The following KCNT2 variants were observed in gnomAD, a reference collection of about 807,000 sequenced individuals.
KCNT2 encodes potassium sodium-activated channel subfamily T member 2.
In KCNT2, 67 loss-of-function variants were observed where a neutral mutation model predicts 153.8. That is an observed-to-expected ratio of 0.44 (90% CI 0.36 to 0.53). The LOEUF (loss-of-function observed/expected upper bound fraction) is 0.53, where lower values mean the gene tolerates loss of function less well. KCNT2 is among the 20% of genes least tolerant of loss of function. KCNT2 has a pLI of 0.00. For synonymous variants in KCNT2, 500 were observed against 458.8 expected, an observed-to-expected ratio of 1.09 and a Z score of -1.15; for missense variants, 975 against 1,354.8, an observed-to-expected ratio of 0.72 and a Z score of 4.40.
At chr1:196,595,351 G>A (rs574089622) in intron 1 of KCNT2, among the ~76,000 whole-genome samples, 3 of 152,008 alleles carry the variant, frequency 2.0e-5, no homozygotes, top group Non-Finnish European at 4.4e-5. Context: ...AAAAAGCTGT[G>A]CACTAGCTTG....
At chr1:196,328,115 A>C (rs1371063482) in intron 18 of KCNT2, among the ~76,000 whole-genome samples, 1 of 152,164 alleles carries the variant, frequency 6.6e-6, no homozygotes, top group Non-Finnish European at 1.5e-5. Flanking sequence ...TTTAAATAAA[A>C]GAAAGAAAGT....
chr1:196,282,993 C>T (rs1030358021), intron 23 of KCNT2, among the ~76,000 whole-genome samples: 33 of 152,122 alleles, frequency 2.2e-4, no homozygotes, highest in East Asian at 3.9e-4. Flanking sequence ...GACAGGCATG[C>T]GCCATGGCGC....
At chr1:196,238,244 C>A (rs934313937) in intron 26 of KCNT2, among the ~76,000 whole-genome samples, 27 of 151,914 alleles carry the variant, frequency 1.8e-4, no homozygotes, top group African/African-American at 6.3e-4. Context: ...CTATCGGTGA[C>A]CTGGCTTGCC....
intron 1 of KCNT2, among the ~76,000 whole-genome samples, chr1:196,548,317 A>T (rs1041249142): frequency 1.3e-5 from 2 of 152,006 alleles, no homozygotes; most frequent in African/African-American, 4.8e-5. Flanking sequence ...ACAAGAAAAA[A>T]ACAAACAACC....
At chr1:196,529,410 G>C (rs1000096489) in intron 1 of KCNT2, among the ~76,000 whole-genome samples, 1 of 152,188 alleles carries the variant, frequency 6.6e-6, no homozygotes, top group African/African-American at 2.4e-5. Context: ...TCTTGAATCA[G>C]ATATTGACGG....
At chr1:196,305,433 C>G (rs1246739343) in intron 21 of KCNT2, 88 bp from the exon 22 acceptor site, 11 of 713,074 alleles carry the variant, frequency 1.5e-5, no homozygotes, top group Non-Finnish European at 2.5e-5. Flanking sequence ...TGATTCCTAG[C>G]CTTGGGCATA....
At chr1:196,312,217 T>C (rs1662251410) in intron 21 of KCNT2, among the ~76,000 whole-genome samples, 1 of 151,580 alleles carries the variant, frequency 6.6e-6, no homozygotes. Context: ...GTCTTTGATA[T>C]GCAGAAATAC....
intron 14 of KCNT2, among the ~76,000 whole-genome samples, chr1:196,364,830 GT>G (rs1383280601): frequency 3.3e-5 from 5 of 152,138 alleles, no homozygotes; most frequent in East Asian, 3.9e-4. Context: ...GTTTGAACTT[GT>G]TTGTGAAAAT....
intron 1 of KCNT2, among the ~76,000 whole-genome samples, chr1:196,584,191 A>AAAATAAAATAAAATAAAATAAAATC (rs1441056712): frequency 6.6e-6 from 1 of 151,600 alleles, no homozygotes; most frequent in African/African-American, 2.4e-5. Context: ...AAAATAAAAT[A>AAAATAAAATAAAATAAAATAAAATC]AAAAGAATAG....
At chr1:196,528,141 A>G (rs1438752832) in intron 1 of KCNT2, among the ~76,000 whole-genome samples, 6 of 152,176 alleles carry the variant, frequency 3.9e-5, no homozygotes, top group Non-Finnish European at 7.4e-5. Context: ...TTCATTTTCC[A>G]TTTTCTAATT....
intron 22 of KCNT2, among the ~76,000 whole-genome samples, chr1:196,288,371 T>A (rs969630666): frequency 6.6e-6 from 1 of 152,032 alleles, no homozygotes; most frequent in African/African-American, 2.4e-5. Context: ...TAACAGGACA[T>A]ATGGTTACCC....
chr1:196,229,137 T>C (rs1228646753), intron 27 of KCNT2, among the ~76,000 whole-genome samples: 2 of 152,084 alleles, frequency 1.3e-5, no homozygotes, highest in East Asian at 1.9e-4. Flanking sequence ...TTTGACTTGA[T>C]TGCACTTTGC....
intron 8 of KCNT2, among the ~76,000 whole-genome samples, chr1:196,451,856 G>C (rs1676238406): frequency 6.6e-6 from 1 of 151,600 alleles, no homozygotes; most frequent in South Asian, 2.1e-4. Flanking sequence ...AAAGAGATAT[G>C]GTCCTTTCTG....
intron 3 of KCNT2, among the ~76,000 whole-genome samples, chr1:196,486,775 A>G (rs776245087): frequency 2.0e-5 from 3 of 151,928 alleles, no homozygotes; most frequent in East Asian, 3.8e-4. Context: ...AGGAGGGTAA[A>G]TTATACAACC....
At chr1:196,453,312 C>T (rs1676381507) in intron 8 of KCNT2, among the ~76,000 whole-genome samples, 3 of 151,614 alleles carry the variant, frequency 2.0e-5, no homozygotes, top group Non-Finnish European at 4.4e-5. Context: ...CTCAGGTGGT[C>T]GCAGCAACAT....
chr1:196,414,038 A>C (rs1672552763), intron 12 of KCNT2, among the ~76,000 whole-genome samples: 2 of 151,760 alleles, frequency 1.3e-5, no homozygotes, highest in South Asian at 4.1e-4. Context: ...AATAGTGTGC[A>C]ATCAATGTTT....
intron 8 of KCNT2, among the ~76,000 whole-genome samples, chr1:196,454,281 T>G (rs1306868946): frequency 1.3e-5 from 2 of 152,008 alleles, no homozygotes; most frequent in African/African-American, 4.8e-5. Flanking sequence ...ATAGATATAG[T>G]GCATGATGCT....
intron 25 of KCNT2, among the ~76,000 whole-genome samples, chr1:196,277,711 T>C (rs1199759071): frequency 2.6e-5 from 4 of 152,204 alleles, no homozygotes; most frequent in African/African-American, 4.8e-5. Context: ...CAGGGCCATT[T>C]TGAACACTAA....
Position 196,384,939 on chromosome 1 carries a change from G to A in KCNT2, c.1295-11691C>T, listed in dbSNP as rs1669835617. ...CTATTTTTATGGAATAAGAGATTGA[G>A]AGACCTTCAGACAGACAGACAAATA... On this transcript the variant is annotated intron_variant, in intron 13 of 27. Transcript: ENST00000294725. Among the ~76,000 whole-genome samples, 5 of 151,916 alleles carry A rather than the reference G, an allele frequency of 3.3e-5. No individual in the cohort carries two copies. The South Asian group carries it at 1.0e-3, about 32-fold the overall frequency.
Sources: allele counts gnomAD v4.1 joint callset (sites outside exome capture counted in the v4.1 genomes callset), GRCh38; gene constraint gnomAD v4.1.1; transcripts MANE v1.5; gene names NCBI Gene and HGNC (gene_info 2026-07-23, HGNC 2026-07-21).